Variants in CACNA1H observed in about 807,000 individuals in gnomAD.
CACNA1H encodes the protein calcium voltage-gated channel subunit alpha1 H.
CACNA1H carries 149 observed loss-of-function variants against 192.5 expected under a neutral mutation model. The observed-to-expected ratio is 0.77, with a 90% CI of 0.68 to 0.89. The LOEUF (loss-of-function observed/expected upper bound fraction) is 0.89. Among genes scored for constraint, CACNA1H ranks in the 40% least tolerant of loss-of-function variants. The pLI, the probability that CACNA1H is intolerant of heterozygous loss-of-function variation, is 0.00. For missense variants in CACNA1H, 4,257 were observed against 3,423.5 expected (o/e 1.24, Z -6.08); for synonymous variants, 2,202 against 1,475.2 (o/e 1.49, Z -11.29).
intron 12 of CACNA1H, chr16:1,206,516 G>A: frequency 1.8e-6 from 1 of 559,520 alleles, no homozygotes; most frequent in Non-Finnish European, 3.2e-6. Flanking sequence ...TCAGAGATGG[G>A]CCGCCAGGTG....
At chr16:1,184,960 G>A (rs1342870089) in intron 2 of CACNA1H, among the ~76,000 whole-genome samples, 2 of 152,148 alleles carry the variant, frequency 1.3e-5, no homozygotes, top group Admixed American at 6.5e-5. Context: ...AGCGACCTTC[G>A]TGTTGTTGAA....
intron 2 of CACNA1H, among the ~76,000 whole-genome samples, chr16:1,155,007 C>T (rs984140453): frequency 8.5e-5 from 13 of 152,186 alleles, no homozygotes; most frequent in Non-Finnish European, 1.5e-4. Flanking sequence ...TGGAGAGACC[C>T]TGCCCGCAGA....
chr16:1,157,241 C>G (rs1962545328), intron 2 of CACNA1H: 1 of 152,084 alleles, frequency 6.6e-6, no homozygotes, highest in Non-Finnish European at 1.5e-5. Context: ...AGAAGGTGAC[C>G]AAGGGGTGCT....
intron 19 of CACNA1H, 29 bp downstream of exon 19, chr16:1,210,522 C>G (rs780153215): frequency 6.2e-7 from 1 of 1,610,966 alleles, no homozygotes; most frequent in Admixed American, 1.7e-5. Flanking sequence ...TCGTCCCGGG[C>G]CACCACGACC....
intron 2 of CACNA1H, among the ~76,000 whole-genome samples, chr16:1,163,606 G>A (rs1963449425): frequency 1.3e-5 from 2 of 152,270 alleles, no homozygotes; most frequent in African/African-American, 4.8e-5. Flanking sequence ...GCAGCCGCCA[G>A]CCCTGGCTGT....
At chr16:1,217,616 G>A (rs147399721) in intron 31 of CACNA1H, among the ~76,000 whole-genome samples, 21 of 152,304 alleles carry the variant, frequency 1.4e-4, no homozygotes, top group African/African-American at 5.1e-4. Context: ...TTGGTCAGCC[G>A]GCGCCTACTC....
intron 27 of CACNA1H, among the ~76,000 whole-genome samples, chr16:1,214,533 C>T (rs1042964303): frequency 2.6e-5 from 4 of 152,172 alleles, no homozygotes; most frequent in African/African-American, 9.7e-5. Flanking sequence ...TACCTCCCAG[C>T]CCAGCCCAGG....
At chr16:1,200,837 A>T (rs976116216) in intron 8 of CACNA1H, 29 bp downstream of exon 8, 62 of 1,438,944 alleles carry the variant, frequency 4.3e-5, no homozygotes, top group Non-Finnish European at 5.4e-5. Flanking sequence ...GTTCGCCATG[A>T]TGGGCCCTGG....
chr16:1,207,813 T>G lies in CACNA1H; in HGVS notation c.3107T>G (p.Val1036Gly), dbSNP rs1206176562. The G allele has an allele frequency of 6.2e-7, 1 of 1,603,028 alleles. No individual in the cohort carries two copies. Among genetic ancestry groups the G allele is most frequent in the African/African-American group, 1.3e-5 (1 of 74,688 alleles). Residue 1036 changes from valine (V) to glycine (G), a missense_variant, in exon 15 of 35, where the codon GTC becomes GGC. Physicochemically the swap from Val to Gly is moderately radical, Grantham distance 109. Coordinates refer to ENST00000348261, the MANE Select transcript of CACNA1H (RefSeq NM_021098.3). ...RSDTDEDKTS[V>G]HFEEDFHKLR... ...GACACGGACGAGGACAAGACGTCGG[T>G]CCACTTCGAGGAGGACTTCCACAAG...
At chr16:1,191,376 T>G (rs553839022) in intron 2 of CACNA1H, among the ~76,000 whole-genome samples, 1 of 108,294 alleles carries the variant, frequency 9.2e-6, no homozygotes, top group South Asian at 3.0e-4. Context: ...CCTGGCTGTG[T>G]GGCCTCAGGC....
chr16:1,213,310 G>C (rs537840945), intron 26 of CACNA1H, among the ~76,000 whole-genome samples: 1 of 152,328 alleles, frequency 6.6e-6, no homozygotes, highest in South Asian at 2.1e-4. Context: ...CCCTTCATCA[G>C]TGTCTCAGCC....
intron 11 of CACNA1H, 84 bp from the exon 12 acceptor site, chr16:1,206,020 G>T: frequency 7.4e-7 from 1 of 1,352,980 alleles, no homozygotes. Context: ...GTGGCTCCCT[G>T]GCTGGTGACC....
chr16:1,205,400 A>G, intron 11 of CACNA1H, 135 bp downstream of exon 11: 1 of 1,004,548 alleles, frequency 1.0e-6, no homozygotes. Context: ...CGTGGGAAGC[A>G]GGTGCTTGGT....
rs765457704 is a variant in CACNA1H, at chr16:1,219,007, C to G, written c.5925C>G (p.Ser1975=). The G allele has an allele frequency of 2.8e-5, 44 of 1,550,318 alleles. No individual in the cohort carries two copies. The South Asian group carries it at 3.1e-4, about 11-fold the overall frequency. ...VASVHSPPAE[S]CASLQIPLAV... ...CTGTGCACTCTCCGCCCGCAGAGTC[C>G]TGTGCCTCCCTCCAGATCCCATTGG... Residue 1975 remains serine (S), a synonymous_variant, in exon 34 of 35, where the codon TCC becomes TCG. Transcript: ENST00000348261.
At chr16:1,165,490 C>G (rs574477598) in intron 2 of CACNA1H, among the ~76,000 whole-genome samples, 1 of 152,320 alleles carries the variant, frequency 6.6e-6, no homozygotes, top group South Asian at 2.1e-4. Context: ...CCCCGTCCTG[C>G]GCACTCACAG....
chr16:1,196,531 C>A (rs890661342), intron 5 of CACNA1H, among the ~76,000 whole-genome samples: 2 of 152,232 alleles, frequency 1.3e-5, no homozygotes, highest in Admixed American at 1.3e-4. Flanking sequence ...CTGCTTCTGG[C>A]CCCTACTCTC....
At chr16:1,176,270 G>A (rs1375663537) in intron 2 of CACNA1H, among the ~76,000 whole-genome samples, 7 of 152,358 alleles carry the variant, frequency 4.6e-5, no homozygotes, top group East Asian at 1.9e-4. Flanking sequence ...AGTGCCCGAC[G>A]GGGCATCTCA....
chr16:1,217,963 A>T lies in CACNA1H; in HGVS notation c.5368A>T (p.Thr1790Ser). The part of the protein sequence containing the change: ...NPCEGLSRHA[T>S]FSNFGMAFLT... ...CTGCGAGGGCCTGAGCAGGCACGCC[A>T]CCTTCAGCAACTTCGGCATGGCCTT... Residue 1790 changes from threonine (T) to serine (S), a missense_variant, in exon 32 of 35, where the codon ACC (threonine) becomes TCC (serine). Thr to Ser is a moderately conservative substitution (Grantham distance 58, BLOSUM62 1). Coordinates refer to ENST00000348261, the MANE Select transcript of CACNA1H (RefSeq NM_021098.3). 6.2e-7 allele frequency: 1 copy of T among 1,605,248 alleles called. No homozygotes were observed. The highest frequency in any genetic ancestry group is 8.5e-7 in the Non-Finnish European group (1 of 1,176,670).
chr16:1,206,909 T>TCCCCCCCCCCCCCCCCCCCCCCCCCCCC, intron 12 of CACNA1H, 92 bp from the exon 13 acceptor site: 4 of 116,612 alleles, frequency 3.4e-5, no homozygotes, highest in South Asian at 1.3e-4. Flanking sequence ...GTCCTGCCCC[T>TCCCCCCCCCCCCCCCCCCCCCCCCCCCC]CCCTCCTCCC....
Sources: gnomAD v4.1 joint callset for allele counts (sites outside exome capture counted in the v4.1 genomes callset) on GRCh38, gnomAD v4.1.1 for gene constraint, MANE v1.5 for transcripts, NCBI Gene and HGNC (gene_info 2026-07-23, HGNC 2026-07-21) for gene names.